The following EPHA6 variants were observed in gnomAD, a reference collection of about 807,000 sequenced individuals.
EPHA6 encodes the protein EPH receptor A6, also known as ephrin type-A receptor 6.
Under a neutral mutation model 112.0 loss-of-function variants are expected in EPHA6, and 50 were observed. The ratio of observed to expected loss-of-function variants is 0.45; its 90% CI spans 0.36 to 0.56. The LOEUF (loss-of-function observed/expected upper bound fraction) is 0.56. Ranked by LOEUF, EPHA6 falls within the 20% of genes least tolerant of loss-of-function variation. The pLI, the probability that EPHA6 is intolerant of heterozygous loss-of-function variation, is 0.00. For missense variants in EPHA6, 1,280 were observed against 1,417.4 expected (o/e 0.90, Z 1.56); for synonymous variants, 529 against 490.7 (o/e 1.08, Z -1.03).
intron 2 of EPHA6, among the ~76,000 whole-genome samples, chr3:96,932,046 G>A (rs1396119321): frequency 6.6e-6 from 1 of 152,140 alleles, no homozygotes; most frequent in Non-Finnish European, 1.5e-5. Context: ...AAGATCCATG[G>A]GAGGAGATTG....
chr3:97,348,530 GTTA>G (rs1396689558), intron 5 of EPHA6, among the ~76,000 whole-genome samples: 2 of 151,256 alleles, frequency 1.3e-5, no homozygotes, highest in East Asian at 2.0e-4. Flanking sequence ...CTTGAGAATA[GTTA>G]TTATTATTTG....
intron 11 of EPHA6, among the ~76,000 whole-genome samples, chr3:97,580,467 T>G (rs2093427065): frequency 6.6e-6 from 1 of 152,234 alleles, no homozygotes; most frequent in Admixed American, 6.5e-5. Context: ...CAACACCTGC[T>G]TGCTTTTTAT....
At chr3:97,087,761 C>G (rs1354608453) in intron 3 of EPHA6, among the ~76,000 whole-genome samples, 1 of 152,104 alleles carries the variant, frequency 6.6e-6, no homozygotes, top group Non-Finnish European at 1.5e-5. Context: ...ATCTCACTGG[C>G]AGAATATCAG....
chr3:97,421,102 T>C (rs1373973227), intron 6 of EPHA6, among the ~76,000 whole-genome samples: 1 of 151,954 alleles, frequency 6.6e-6, no homozygotes, highest in Non-Finnish European at 1.5e-5. Flanking sequence ...GAGGAAATAT[T>C]ACACTACTTC....
At chr3:97,384,865 C>T (rs536973259) in intron 5 of EPHA6, among the ~76,000 whole-genome samples, 14 of 152,100 alleles carry the variant, frequency 9.2e-5, no homozygotes, top group African/African-American at 3.4e-4. Flanking sequence ...TCTGTTAAAC[C>T]CACACTAAGT....
intron 2 of EPHA6, among the ~76,000 whole-genome samples, chr3:96,941,819 C>T (rs1037701207): frequency 2.0e-5 from 3 of 152,222 alleles, no homozygotes; most frequent in African/African-American, 7.2e-5. Flanking sequence ...TTCCAACAGA[C>T]TGGACCCTCA....
Position 97,244,296 on chromosome 3 carries a change from C to T in EPHA6, c.1606+9C>T. The T allele has an allele frequency of 6.2e-7, 1 of 1,610,404 alleles. No individual in the cohort carries two copies. Among genetic ancestry groups the T allele is most frequent in the Non-Finnish European group, 8.5e-7 (1 of 1,177,214 alleles). ...GACCACGGATCAAGATGGTAAGTTC[C>T]ACTGCTGTTCTCTCAAAACAGACCC... On this transcript the variant is annotated intron_variant, in intron 5 of 17. Coordinates refer to ENST00000389672, the MANE Select transcript of EPHA6 (RefSeq NM_001080448.3).
intron 2 of EPHA6, among the ~76,000 whole-genome samples, chr3:96,891,074 A>G (rs1184528328): frequency 1.3e-5 from 2 of 152,128 alleles, no homozygotes; most frequent in Non-Finnish European, 2.9e-5. Flanking sequence ...GACAGAGTGA[A>G]AGAGACTCCA....
intron 2 of EPHA6, among the ~76,000 whole-genome samples, chr3:96,923,021 TTCTTTATCCCATCTATCATTGA>T (rs1179359248): frequency 1.3e-5 from 2 of 152,242 alleles, no homozygotes; most frequent in Non-Finnish European, 2.9e-5. Context: ...ATGTCAAATT[TTCTTTATCCCATCTATCATTGA>T]TGAGCATTTA....
intron 3 of EPHA6, among the ~76,000 whole-genome samples, chr3:97,208,202 T>C (rs1389775546): frequency 1.3e-5 from 2 of 152,112 alleles, no homozygotes; most frequent in Non-Finnish European, 2.9e-5. Context: ...TCGATATAGG[T>C]ATTCTACTTG....
chr3:96,983,421 A>T (rs1311180232), intron 2 of EPHA6, among the ~76,000 whole-genome samples: 1 of 152,152 alleles, frequency 6.6e-6, no homozygotes, highest in Admixed American at 6.6e-5. Context: ...CGGAGAGATC[A>T]GCTGTTAGTC....
chr3:97,431,601 C>T (rs1373877189), intron 6 of EPHA6, among the ~76,000 whole-genome samples: 1 of 151,992 alleles, frequency 6.6e-6, no homozygotes, highest in African/African-American at 2.4e-5. Flanking sequence ...GAAATCTTTC[C>T]ATCCTATCTA....
intron 1 of EPHA6, among the ~76,000 whole-genome samples, chr3:96,858,384 A>G (rs1198801003): frequency 1.3e-5 from 2 of 152,110 alleles, no homozygotes; most frequent in African/African-American, 4.8e-5. Flanking sequence ...GTATTAAAGC[A>G]AAGTATAGAA....
intron 5 of EPHA6, among the ~76,000 whole-genome samples, chr3:97,250,832 A>G (rs1457789496): frequency 2.0e-5 from 3 of 152,104 alleles, no homozygotes; most frequent in Non-Finnish European, 4.4e-5. Context: ...GTTAATATTT[A>G]ACACTGGGTT....
chr3:96,924,282 A>T (rs1416354979), intron 2 of EPHA6, among the ~76,000 whole-genome samples: 1 of 152,208 alleles, frequency 6.6e-6, no homozygotes, highest in African/African-American at 2.4e-5. Flanking sequence ...CTCTATGAGC[A>T]TGGAATGTTT....
At chr3:97,040,593 A>G (rs2045277215) in intron 3 of EPHA6, among the ~76,000 whole-genome samples, 1 of 151,986 alleles carries the variant, frequency 6.6e-6, no homozygotes, top group Non-Finnish European at 1.5e-5. Flanking sequence ...TTATTATTTC[A>G]ACTCTCTTTC....
intron 10 of EPHA6, among the ~76,000 whole-genome samples, chr3:97,492,735 G>T (rs2091881048): frequency 6.6e-6 from 1 of 151,504 alleles, no homozygotes; most frequent in African/African-American, 2.4e-5. Context: ...AGAATGTAAA[G>T]ATCACTGTAT....
chr3:96,907,323 C>A (rs902799861), intron 2 of EPHA6, among the ~76,000 whole-genome samples: 7 of 151,430 alleles, frequency 4.6e-5, no homozygotes, highest in African/African-American at 1.7e-4. Flanking sequence ...TTATTATATA[C>A]CCCACTGAAA....
At chr3:97,321,149 CT>C (rs1180353449) in intron 5 of EPHA6, among the ~76,000 whole-genome samples, 1 of 151,834 alleles carries the variant, frequency 6.6e-6, no homozygotes, top group Non-Finnish European at 1.5e-5. Context: ...TGGTTTACTA[CT>C]TATCTATTTG....
Sources: gnomAD v4.1 joint callset for allele counts (sites outside exome capture counted in the v4.1 genomes callset) on GRCh38, gnomAD v4.1.1 for gene constraint, MANE v1.5 for transcripts, NCBI Gene and HGNC (gene_info 2026-07-23, HGNC 2026-07-21) for gene names.